SOX5: variants seen among roughly 807,000 people sequenced by gnomAD.
SOX5 encodes the protein SRY-box transcription factor 5.
A neutral mutation model predicts 92.0 loss-of-function variants in SOX5; 9 were observed. The observed-to-expected ratio is 0.10, with a 90% CI of 0.06 to 0.17. The LOEUF is 0.17. Ranked by LOEUF, SOX5 falls within the 10% of genes least tolerant of loss-of-function variation. The pLI is 1.00. For synonymous variants in SOX5, 344 were observed against 336.3 expected, an observed-to-expected ratio of 1.02 and a Z score of -0.25; for missense variants, 642 against 944.5, an observed-to-expected ratio of 0.68 and a Z score of 4.20.
chr12:24,099,821 C>T (rs755078394), intron 4 of SOX5, among the ~76,000 whole-genome samples: 3 of 152,128 alleles, frequency 2.0e-5, no homozygotes, highest in Admixed American at 6.5e-5. Flanking sequence ...GCCCCTTCAT[C>T]AACAAATGGT....
At chr12:23,840,006 A>G (rs1329128315) in intron 3 of SOX5, among the ~76,000 whole-genome samples, 1 of 135,436 alleles carries the variant, frequency 7.4e-6, no homozygotes, top group South Asian at 2.4e-4. Flanking sequence ...AAAAAAAAAA[A>G]AAGAAAGTGC....
Position 23,708,720 on chromosome 12 carries a change from G to A in SOX5, c.810+25964C>T, listed in dbSNP as rs185190978. On this transcript the variant is annotated intron_variant, in intron 6 of 14. Coordinates refer to ENST00000451604, the MANE Select transcript of SOX5 (RefSeq NM_006940.6). The stretch of plus-strand genomic sequence containing the variant: ...AAAAAGACATAAGGAATATCATAAA[G>A]GCAAAATCAATACACGCACAACGTT... Among the ~76,000 whole-genome samples the A allele has an allele frequency of 2.0e-3, 301 of 152,220 alleles. 1 individual carries two copies. The highest frequency in any genetic ancestry group is 6.5e-3 in the African/African-American group (270 of 41,540).
intron 2 of SOX5, among the ~76,000 whole-genome samples, chr12:23,851,773 A>G (rs1446427807): frequency 6.6e-6 from 1 of 151,978 alleles, no homozygotes; most frequent in African/African-American, 2.4e-5. Context: ...TGAAAAAGCC[A>G]CTGATAATAC....
intron 4 of SOX5, among the ~76,000 whole-genome samples, chr12:24,017,413 T>C (rs1339942157): frequency 6.6e-6 from 1 of 151,966 alleles, no homozygotes; most frequent in Non-Finnish European, 1.5e-5. Context: ...CTGGCCAACA[T>C]GGTGAAACCC....
chr12:24,292,903 C>A (rs1012057422), intron 2 of SOX5, among the ~76,000 whole-genome samples: 2 of 152,174 alleles, frequency 1.3e-5, no homozygotes, highest in East Asian at 3.9e-4. Flanking sequence ...GAGATGACCT[C>A]TGGCCCTAAA....
chr12:23,869,497 C>G (rs1236830046), intron 2 of SOX5, among the ~76,000 whole-genome samples: 1 of 152,076 alleles, frequency 6.6e-6, no homozygotes, highest in Non-Finnish European at 1.5e-5. Flanking sequence ...TCACTGAAAC[C>G]CCACCAGCCT....
chr12:24,004,917 A>T (rs902006625), intron 4 of SOX5, among the ~76,000 whole-genome samples: 9 of 152,176 alleles, frequency 5.9e-5, no homozygotes, highest in African/African-American at 2.2e-4. Flanking sequence ...CATTAATAAA[A>T]TATTATTCAG....
chr12:24,055,744 A>C (rs528432443), intron 4 of SOX5, among the ~76,000 whole-genome samples: 93 of 152,380 alleles, frequency 6.1e-4, no homozygotes, highest in African/African-American at 2.2e-3. Flanking sequence ...TAAACAATGA[A>C]AAGAAAAAAA....
intron 2 of SOX5, among the ~76,000 whole-genome samples, chr12:24,346,138 C>G (rs571175291): frequency 3.1e-4 from 47 of 152,288 alleles, no homozygotes; most frequent in Non-Finnish European, 4.6e-4. Flanking sequence ...GATTCAGGTC[C>G]TTTTATTGAA....
chr12:24,182,472 A>G (rs116918670), intron 4 of SOX5, among the ~76,000 whole-genome samples: 3,930 of 152,304 alleles, frequency 0.026, 59 homozygotes, highest in Non-Finnish European at 0.038. Context: ...AATATATTAT[A>G]GGTCTTTTCA....
At chr12:23,860,304 TAA>T (rs58292055) in intron 2 of SOX5, among the ~76,000 whole-genome samples, 162 of 150,096 alleles carry the variant, frequency 1.1e-3, no homozygotes, top group Non-Finnish European at 1.2e-3. Context: ...AAAATAAATT[TAA>T]AAAAAAAAAG....
chr12:24,127,428 A>ATAG (rs1418224291), intron 4 of SOX5, among the ~76,000 whole-genome samples: 1 of 148,360 alleles, frequency 6.7e-6, no homozygotes, highest in Admixed American at 6.7e-5. Context: ...AATAATAATA[A>ATAG]TACCAATTGG....
chr12:23,948,960 T>A (rs1945076997), intron 1 of SOX5, among the ~76,000 whole-genome samples: 1 of 152,116 alleles, frequency 6.6e-6, no homozygotes, highest in Non-Finnish European at 1.5e-5. Flanking sequence ...GCTCCATTTA[T>A]CCCCTTTTCG....
chr12:23,935,295 T>G (rs1048022486), intron 1 of SOX5, among the ~76,000 whole-genome samples: 2 of 151,382 alleles, frequency 1.3e-5, no homozygotes, highest in East Asian at 3.9e-4. Context: ...GAATATCCTA[T>G]TAATTATACC....
intron 2 of SOX5, among the ~76,000 whole-genome samples, chr12:24,366,054 C>T (rs1806636299): frequency 6.6e-6 from 1 of 152,094 alleles, no homozygotes; most frequent in African/African-American, 2.4e-5. Flanking sequence ...GGTATCAATG[C>T]TGTTTTTGTT....
chr12:23,700,180 G>A (rs558572198), intron 6 of SOX5, among the ~76,000 whole-genome samples: 4 of 152,092 alleles, frequency 2.6e-5, no homozygotes, highest in African/African-American at 9.6e-5. Flanking sequence ...TAATACGAGT[G>A]GAATTTATAT....
intron 8 of SOX5, among the ~76,000 whole-genome samples, chr12:23,627,510 A>G (rs2077985868): frequency 6.6e-6 from 1 of 152,128 alleles, no homozygotes; most frequent in Non-Finnish European, 1.5e-5. Flanking sequence ...CCAGTTTTAT[A>G]CCCTTGAATC....
intron 4 of SOX5, among the ~76,000 whole-genome samples, chr12:24,066,540 ATT>A (rs1219223179): frequency 4.6e-5 from 7 of 152,240 alleles, no homozygotes; most frequent in Non-Finnish European, 1.0e-4. Context: ...AAAAATTGAT[ATT>A]GTTTGAATAT....
At chr12:24,160,480 A>T (rs1347028120) in intron 4 of SOX5, among the ~76,000 whole-genome samples, 1 of 152,020 alleles carries the variant, frequency 6.6e-6, no homozygotes, top group Non-Finnish European at 1.5e-5. Flanking sequence ...TAATCAATGA[A>T]GTGACAGAAT....
Sources: allele counts gnomAD v4.1 joint callset (sites outside exome capture counted in the v4.1 genomes callset), GRCh38; gene constraint gnomAD v4.1.1; transcripts MANE v1.5; gene names NCBI Gene and HGNC (gene_info 2026-07-23, HGNC 2026-07-21).